Variants in COL7A1 observed in about 807,000 individuals in gnomAD.
COL7A1 encodes the protein collagen type VII alpha 1 chain.
COL7A1 carries 296 observed loss-of-function variants against 456.2 expected under a neutral mutation model. That is an observed-to-expected ratio of 0.65 (90% confidence interval 0.59 to 0.71). The LOEUF (loss-of-function observed/expected upper bound fraction) is 0.71, where lower values mean the gene tolerates loss of function less well. Among genes scored for constraint, COL7A1 ranks in the 30% least tolerant of loss-of-function variants. The pLI is 0.00. For missense variants in COL7A1, 3,441 were observed against 4,017.2 expected (o/e 0.86, Z 3.88); for synonymous variants, 1,464 against 1,525.9 (o/e 0.96, Z 0.95).
chr3:48,571,961 C>A lies in COL7A1; in HGVS notation c.7068+40G>T. 1 of 1,607,456 alleles carries A rather than the reference C, an allele frequency of 6.2e-7. No homozygotes were observed. Among genetic ancestry groups the A allele is most frequent in the South Asian group, 1.1e-5 (1 of 90,002 alleles). On this transcript the variant is annotated intron_variant, in intron 92 of 118. Transcript: ENST00000681320. The surrounding 1 kb of genome is among the most constrained non-coding windows in gnomAD (Gnocchi z 4.6). Reference sequence around the variant, plus strand: ...GGCCCCTTATGCCCGCCATCACACTCCTCAGGCCAGGCTCGCCCTTGCCTA... The same window carrying A: ...GGCCCCTTATGCCCGCCATCACACTACTCAGGCCAGGCTCGCCCTTGCCTA...
Position 48,564,978 on chromosome 3 carries a change from G to C in COL7A1, c.8623C>G (p.Pro2875Ala). Residue 2875 changes from proline (P) to alanine (A), a missense_variant and splice_region_variant, in exon 118 of 119, where the codon CCC becomes GCC. Coordinates refer to ENST00000681320, the MANE Select transcript of COL7A1 (RefSeq NM_000094.4). This position sits in a 1 kb window ranked among gnomAD's most constrained non-coding sequence, Gnocchi z 6.0. ...DPEAPWDSDD[P>A]CSLPLDEGSC... Reference sequence around the variant, plus strand: ...CCCTCATCCAGTGGCAGGGAACAGGGGTCTGGGCCAATGGGGTCAAGTCAG... The same window carrying C: ...CCCTCATCCAGTGGCAGGGAACAGGCGTCTGGGCCAATGGGGTCAAGTCAG... The C allele has an allele frequency of 6.2e-7, 1 of 1,614,176 alleles. No individual in the cohort carries two copies. The highest frequency in any genetic ancestry group is 8.5e-7 in the Non-Finnish European group (1 of 1,180,018).
chr3:48,578,480 A>G lies in COL7A1; in HGVS notation c.5460T>C (p.Pro1820=). 2.5e-6 allele frequency: 4 copies of G among 1,612,860 alleles called. No individual in the cohort carries two copies. Among genetic ancestry groups the G allele is most frequent in the Non-Finnish European group, 3.4e-6 (4 of 1,180,000 alleles). ...GTAATCCAGGGGGACCAGAGGGGCC[A>G]GGGAGGCCCTGTTCTCCACGGAGGC... The part of the protein sequence containing the change: ...LPGLRGEQGL[P]GPSGPPGLPG... The change falls in exon 64 of 119, where the codon CCT becomes CCC. Residue 1820 remains proline (P), a synonymous_variant. Coordinates refer to ENST00000681320, the MANE Select transcript of COL7A1 (RefSeq NM_000094.4). The surrounding 1 kb of genome is among the most constrained non-coding windows in gnomAD (Gnocchi z 4.7).
In COL7A1 at chr3:48,575,473, G is replaced by T; in HGVS notation, c.6046C>A (p.Pro2016Thr). Residue 2016 changes from proline (P) to threonine (T), a missense_variant, in exon 74 of 119, where the codon CCA (proline) becomes ACA (threonine). This residue lies in a region of COL7A1 where 2,084 missense variants were observed against 2,501.3 expected (regional missense o/e 0.83). Coordinates refer to ENST00000681320, the MANE Select transcript of COL7A1 (RefSeq NM_000094.4). This position sits in a 1 kb window ranked among gnomAD's most constrained non-coding sequence, Gnocchi z 6.3. ...CTCTCCCCAAGGGCCAGACCAGGTG[G>T]CCCCTGAGGGCCAGGGTCTCCACGG... is the stretch of plus-strand genomic sequence containing the variant. ...GDRGDPGPQG[P>T]PGLALGERGP... 3 of 1,611,662 alleles carry T rather than the reference G, an allele frequency of 1.9e-6. No individual in the cohort carries two copies. The East Asian group carries it at 6.7e-5, about 36-fold the overall frequency.
Position 48,579,239 on chromosome 3 carries a change from T to C in COL7A1, c.5346A>G (p.Gly1782=). 1.2e-6 allele frequency: 2 copies of C among 1,613,810 alleles called. No homozygotes were observed. The highest frequency in any genetic ancestry group is 1.7e-6 in the Non-Finnish European group (2 of 1,180,016). The change falls in exon 62 of 119, where the codon GGA becomes GGG. Residue 1782 remains glycine (G), a synonymous_variant. Coordinates refer to ENST00000681320, the MANE Select transcript of COL7A1 (RefSeq NM_000094.4). The surrounding 1 kb of genome is among the most constrained non-coding windows in gnomAD (Gnocchi z 4.4). ...RGPPGLDGRS[G]LDGKPGAAGP... is the part of the protein sequence containing the mutation. ...CAGCGGCTCCTGGTTTCCCATCCAG[T>C]CCGCTCCGGCCATCCAGCCCAGGGG...
chr3:48,576,726 C>T lies in COL7A1; in HGVS notation c.5650G>A (p.Gly1884Arg). Residue 1884 changes from glycine (G) to arginine (R), a missense_variant, in exon 68 of 119, where the codon GGA (glycine) becomes AGA (arginine). Transcript: ENST00000681320. ...GGGAGGCCTGGAGGCCCCTGGGGTC[C>T]AAGGATACCAGGAGCTCCACGCTCA... ...KGERGAPGIL[G>R]PQGPPGLPGP... 3 of 1,611,434 alleles carry T rather than the reference C, an allele frequency of 1.9e-6. No homozygotes were observed. Among genetic ancestry groups the T allele is most frequent in the Non-Finnish European group, 2.5e-6 (3 of 1,179,116 alleles).
At position 48,567,085 on chromosome 3, in the gene COL7A1, T is replaced by G; in HGVS notation, c.8109+43A>C. On this transcript the variant is annotated intron_variant, in intron 110 of 118. Coordinates refer to ENST00000681320, the MANE Select transcript of COL7A1 (RefSeq NM_000094.4). The surrounding 1 kb of genome is among the most constrained non-coding windows in gnomAD (Gnocchi z 4.3). ...CCCAGAGATGGACCCTCTCCCAAAGTGCACGCTCCCCTCAATTCACCATGA... is the reference window on the plus strand; with the variant it reads ...CCCAGAGATGGACCCTCTCCCAAAGGGCACGCTCCCCTCAATTCACCATGA... 2 of 1,613,262 alleles carry G rather than the reference T, an allele frequency of 1.2e-6. No homozygotes were observed. The highest frequency in any genetic ancestry group is 1.7e-6 in the Non-Finnish European group (2 of 1,179,624).
Position 48,583,165 on chromosome 3 carries a change from G to A in COL7A1, c.4444C>T (p.Arg1482Trp), listed in dbSNP as rs781055082. Residue 1482 changes from arginine to tryptophan, a missense_variant, in exon 43 of 119, where the codon CGG becomes TGG. Physicochemically the swap from Arg to Trp is moderately radical, Grantham distance 101 (BLOSUM62 -3). Transcript: ENST00000681320. This position sits in a 1 kb window ranked among gnomAD's most constrained non-coding sequence, Gnocchi z 5.1. ...TCACCCAGGGGCCCTGGAAAGCCCC[G>A]GTCACCCTGAAGAGAGAGGGTGAGA... Reference protein sequence around the residue: ...PPGAIGPKGDRGFPGPLGEAG... With the variant: ...PPGAIGPKGDWGFPGPLGEAG... 2.8e-5 allele frequency: 45 copies of A among 1,613,668 alleles called. No individual in the cohort carries two copies. The highest frequency in any genetic ancestry group is 2.7e-5 in the African/African-American group (2 of 74,834).
rs754017983 is a variant in COL7A1 at position 48,587,765 on chromosome 3, G to A, written c.2857+28C>T. The A allele has an allele frequency of 7.4e-6, 12 of 1,613,344 alleles. No individual in the cohort carries two copies. Among genetic ancestry groups the A allele is most frequent in the Non-Finnish European group, 1.0e-5 (12 of 1,179,992 alleles). On this transcript the variant is annotated intron_variant, in intron 22 of 118. Transcript: ENST00000681320. This position sits in a 1 kb window ranked among gnomAD's most constrained non-coding sequence, Gnocchi z 6.1. ...GTCAGGGTGGGTCATCAGCAGGGGAGGAGCACGCCAAGGTGAGGCAGGCTT... is the reference window on the plus strand; with the variant it reads ...GTCAGGGTGGGTCATCAGCAGGGGAAGAGCACGCCAAGGTGAGGCAGGCTT...
intron 35 of COL7A1, 83 bp from the exon 36 acceptor site, chr3:48,584,639 C>A: frequency 1.2e-6 from 2 of 1,612,296 alleles, no homozygotes; most frequent in South Asian, 2.2e-5. Context: ...TCCAGCTATT[C>A]CTATTCGCGC....
Position 48,583,741 on chromosome 3 carries a change from G to T in COL7A1, c.4318C>A (p.Pro1440Thr), listed in dbSNP as rs539692401. ...ACTTTTTCTCCTTTCTTTCCAGGGG[G>T]GCCAACGGGGCCTTGGGGTCCAGGG... ...GSPGPQGPVGPPGKKGEKGDS... is the reference protein window; with the variant it reads ...GSPGPQGPVGTPGKKGEKGDS... The change falls in exon 40 of 119, where the codon CCC becomes ACC. Residue 1440 changes from proline to threonine, a missense_variant. Transcript: ENST00000681320. The surrounding 1 kb of genome is among the most constrained non-coding windows in gnomAD (Gnocchi z 5.1). The T allele has an allele frequency of 1.2e-6, 2 of 1,613,906 alleles. No homozygotes were observed. Among genetic ancestry groups the T allele is most frequent in the Admixed American group, 1.7e-5 (1 of 60,002 alleles).
Position 48,566,134 on chromosome 3 carries a change from C to A in COL7A1, c.8407+133G>T. 1 of 946,006 alleles carries A rather than the reference C, an allele frequency of 1.1e-6. No homozygotes were observed. Among genetic ancestry groups the A allele is most frequent in the Non-Finnish European group, 1.7e-6 (1 of 603,384 alleles). 58.6% of individuals were successfully genotyped at this position (946,006 alleles called of 1,614,324 possible). ...CACATGTCATGTGTCAGTCCTGCAG[C>A]ACATGTGTCCTTCTGTGTATCCATC... On this transcript the variant is annotated intron_variant, in intron 114 of 118. Transcript: ENST00000681320. The surrounding 1 kb of genome is among the most constrained non-coding windows in gnomAD (Gnocchi z 5.9).
chr3:48,588,236 C>A lies in COL7A1; in HGVS notation c.2710+46G>T. ...GCCTACCTTGCGGAGTCTGCCACAG[C>A]CCTGCCCCCAATGGTCCCTAACTTC... On this transcript the variant is annotated intron_variant, in intron 21 of 118. Transcript: ENST00000681320. This position sits in a 1 kb window ranked among gnomAD's most constrained non-coding sequence, Gnocchi z 4.6. 6.2e-7 allele frequency: 1 copy of A among 1,612,668 alleles called. No individual in the cohort carries two copies.
intron 70 of COL7A1, 49 bp downstream of exon 70, chr3:48,576,351 A>G (rs764600992): frequency 2.5e-6 from 4 of 1,613,896 alleles, no homozygotes; most frequent in Non-Finnish European, 3.4e-6. Context: ...GCATGTGCAC[A>G]TGTGGGTGCT....
chr3:48,583,421 C>T lies in COL7A1; in HGVS notation c.4409G>A (p.Arg1470Gln), dbSNP rs747756779. Reference sequence around the variant, plus strand: ...GGGGCCAATAGCTCCAGGAGGTCCCCGTGGGCCCTGGAAGGGATGAATTTG... The same window carrying T: ...GGGGCCAATAGCTCCAGGAGGTCCCTGTGGGCCCTGGAAGGGATGAATTTG... ...QPGSPGEQGP[R>Q]GPPGAIGPKG... The change falls in exon 42 of 119, where the codon CGG (arginine) becomes CAG (glutamine). Residue 1470 changes from arginine (R) to glutamine (Q), a missense_variant. Arg to Gln is a conservative substitution (Grantham distance 43, BLOSUM62 1). Around this residue, in one of 3 missense-constraint regions of COL7A1, gnomAD observed 2,084 missense variants for 2,501.3 expected, o/e 0.83. Transcript: ENST00000681320. This position sits in a 1 kb window ranked among gnomAD's most constrained non-coding sequence, Gnocchi z 5.1. 1.9e-6 allele frequency: 3 copies of T among 1,614,140 alleles called. No individual in the cohort carries two copies. Among genetic ancestry groups the T allele is most frequent in the Middle Eastern group, 1.7e-4 (1 of 6,058 alleles).
At position 48,568,280 on chromosome 3, in the gene COL7A1, G is replaced by T; in HGVS notation, c.7795-110C>A. The T allele has an allele frequency of 7.7e-7, 1 of 1,304,654 alleles. No individual in the cohort carries two copies. The allele number at this position is 1,304,654 out of a possible 1,614,324, so 80.8% of individuals were successfully genotyped here. ...CATGGGGTGGGAGTCACCTCTGGAG[G>T]CCAGAGCCACTGGGGCTTGCCATGG... On this transcript the variant is annotated intron_variant, in intron 105 of 118. Transcript: ENST00000681320. This position sits in a 1 kb window ranked among gnomAD's most constrained non-coding sequence, Gnocchi z 5.2.
In COL7A1 at chr3:48,587,379, C is replaced by G. The variant is rs201531465; in HGVS notation, c.2992+41G>C. ...TGATTAAAAAGCTGTCTCCACAGAG[C>G]CCCAACTGCCAGCCCACCCAAATCC... On this transcript the variant is annotated intron_variant, in intron 23 of 118. Coordinates refer to ENST00000681320, the MANE Select transcript of COL7A1 (RefSeq NM_000094.4). This position sits in a 1 kb window ranked among gnomAD's most constrained non-coding sequence, Gnocchi z 6.1. 2 of 1,613,004 alleles carry G rather than the reference C, an allele frequency of 1.2e-6. No individual in the cohort carries two copies. The highest frequency in any genetic ancestry group is 2.2e-5 in the East Asian group (1 of 44,876).
chr3:48,582,622 G>A lies in COL7A1; in HGVS notation c.4550C>T (p.Ala1517Val). ...TCACAGACTCACTTCAGGACCCTTGGCTCCAGGACGTCCAGCAACCCCTGG... is the reference window on the plus strand; with the variant it reads ...TCACAGACTCACTTCAGGACCCTTGACTCCAGGACGTCCAGCAACCCCTGG... Reference protein sequence around the residue: ...GLPGVAGRPGAKGPEGPPGPT... With the variant: ...GLPGVAGRPGVKGPEGPPGPT... The change falls in exon 45 of 119, where the codon GCC (alanine) becomes GTC (valine). Residue 1517 changes from alanine (A) to valine (V), a missense_variant. Ala to Val is a moderately conservative substitution (Grantham distance 64, BLOSUM62 0). Transcript: ENST00000681320. The A allele has an allele frequency of 6.2e-7, 1 of 1,613,584 alleles. No homozygotes were observed. The highest frequency in any genetic ancestry group is 2.2e-5 in the East Asian group (1 of 44,882).
At position 48,594,817 on chromosome 3, in the gene COL7A1, C is replaced by T. The variant is rs1357139715; in HGVS notation, c.85+258G>A. On this transcript the variant is annotated intron_variant, in intron 2 of 118. Coordinates refer to ENST00000681320, the MANE Select transcript of COL7A1 (RefSeq NM_000094.4). The surrounding 1 kb of genome is among the most constrained non-coding windows in gnomAD (Gnocchi z 5.5). ...GGGACTGAGGTCAGCCTCTAGGGGC[C>T]GGCGTGGATTGGCATAAGGCAGGGG... 1.3e-5 allele frequency among the ~76,000 whole-genome samples: 2 copies of T among 152,044 alleles called. No individual in the cohort carries two copies. The highest frequency in any genetic ancestry group is 1.9e-4 in the East Asian group (1 of 5,172).
At position 48,591,832 on chromosome 3, in the gene COL7A1, A is replaced by G. The variant is rs200022744; in HGVS notation, c.1358-10T>C. 6.1e-5 allele frequency: 99 copies of G among 1,614,170 alleles called. No individual in the cohort carries two copies. The African/African-American group carries it at 1.3e-3, about 20-fold the overall frequency. On this transcript the variant is annotated splice_polypyrimidine_tract_variant and intron_variant, in intron 11 of 118. Transcript: ENST00000681320. The surrounding 1 kb of genome is among the most constrained non-coding windows in gnomAD (Gnocchi z 7.0). ...TGCGGTGGCTCCAAGCCTGCAAGAT[A>G]ACAGGGTCAGACCAGCAGAGGCCAT...
Sources: gnomAD v4.1 joint callset for allele counts (sites outside exome capture counted in the v4.1 genomes callset) on GRCh38, gnomAD v4.1.1 for gene constraint, gnomAD v4.1.1 regional missense constraint, Gnocchi (gnomAD v3.1) non-coding constraint, MANE v1.5 for transcripts, NCBI Gene and HGNC (gene_info 2026-07-23, HGNC 2026-07-21) for gene names.